The following AKR1C8 variants were observed in gnomAD, a reference collection of about 807,000 sequenced individuals.
AKR1C8 encodes aldo-keto reductase family 1 member C-like protein 1.
chr10:5,173,796 T>G, the AKR1C8 span, among the ~76,000 whole-genome samples: 11 of 151,878 alleles, frequency 7.2e-5, no homozygotes, highest in Admixed American at 2.0e-4. Context: ...AGATTGATAT[T>G]GAAACTATAG....
the AKR1C8 span, among the ~76,000 whole-genome samples, chr10:5,128,041 A>C: frequency 6.6e-6 from 1 of 152,162 alleles, no homozygotes; most frequent in Non-Finnish European, 1.5e-5. Flanking sequence ...AAAAAGCATC[A>C]GGTAACATAA....
chr10:5,159,121 G>A, the AKR1C8 span, among the ~76,000 whole-genome samples: 1 of 152,092 alleles, frequency 6.6e-6, no homozygotes, highest in Non-Finnish European at 1.5e-5. Flanking sequence ...AAGGACCCAG[G>A]ATCTTACTTG....
chr10:5,124,102 C>T, the AKR1C8 span, among the ~76,000 whole-genome samples: 1 of 152,086 alleles, frequency 6.6e-6, no homozygotes, highest in Non-Finnish European at 1.5e-5. Flanking sequence ...CAGCCAATTC[C>T]AGCTCTGGGA....
At chr10:5,152,078 C>G in the AKR1C8 span, among the ~76,000 whole-genome samples, 1 of 152,038 alleles carries the variant, frequency 6.6e-6, no homozygotes, top group Non-Finnish European at 1.5e-5. Context: ...TTTAAACAAA[C>G]AGCATACTAT....
the AKR1C8 span, chr10:5,160,886 C>T: frequency 2.1e-6 from 1 of 471,066 alleles, no homozygotes; most frequent in Non-Finnish European, 4.4e-6. Context: ...AATTCTTTCC[C>T]AGGCTGGAAA....
At chr10:5,181,136 C>A in the AKR1C8 span, among the ~76,000 whole-genome samples, 1 of 152,128 alleles carries the variant, frequency 6.6e-6, no homozygotes, top group Non-Finnish European at 1.5e-5. Flanking sequence ...TTGGCTGCCA[C>A]CCCAAGGTTT....
the AKR1C8 span, among the ~76,000 whole-genome samples, chr10:5,130,781 A>C: frequency 5.9e-5 from 9 of 152,144 alleles, no homozygotes; most frequent in East Asian, 1.7e-3. Flanking sequence ...ATGATACATA[A>C]GACAAACAAA....
At chr10:5,174,722 CA>C in the AKR1C8 span, among the ~76,000 whole-genome samples, 1 of 151,518 alleles carries the variant, frequency 6.6e-6, no homozygotes, top group Non-Finnish European at 1.5e-5. Context: ...AATTTACATA[CA>C]AACTATGTAA....
At chr10:5,119,664 A>G in the AKR1C8 span, among the ~76,000 whole-genome samples, 1 of 152,286 alleles carries the variant, frequency 6.6e-6, no homozygotes, top group South Asian at 2.1e-4. Context: ...AACAGAAACT[A>G]TAGACTCTGC....
chr10:5,168,443 A>C, the AKR1C8 span, among the ~76,000 whole-genome samples: 1 of 151,964 alleles, frequency 6.6e-6, no homozygotes, highest in East Asian at 1.9e-4. Context: ...TACTATCCCT[A>C]CCAGAAATGC....
At chr10:5,131,174 C>G in the AKR1C8 span, among the ~76,000 whole-genome samples, 3 of 151,954 alleles carry the variant, frequency 2.0e-5, no homozygotes, top group Non-Finnish European at 4.4e-5. Context: ...ATACACAAAT[C>G]AACTCAAGAT....
chr10:5,132,872 G>A, the AKR1C8 span: 7 of 496,486 alleles, frequency 1.4e-5, no homozygotes, highest in Non-Finnish European at 2.1e-5. Flanking sequence ...CTTGCATCTT[G>A]GGTTAGTTCT....
At chr10:5,140,569 T>C in the AKR1C8 span, among the ~76,000 whole-genome samples, 1 of 152,020 alleles carries the variant, frequency 6.6e-6, no homozygotes, top group South Asian at 2.1e-4. Context: ...ACACCACATG[T>C]TCTCACTCAT....
chr10:5,151,232 G>A, the AKR1C8 span, among the ~76,000 whole-genome samples: 12 of 152,116 alleles, frequency 7.9e-5, no homozygotes, highest in Non-Finnish European at 1.3e-4. Context: ...TTATCCAGGA[G>A]CAATTTATGG....
the AKR1C8 span, among the ~76,000 whole-genome samples, chr10:5,183,059 C>T: frequency 6.6e-6 from 1 of 152,098 alleles, no homozygotes; most frequent in Admixed American, 6.6e-5. Flanking sequence ...GTGTGTCAAA[C>T]TTGCCATACA....
chr10:5,132,603 T>C, the AKR1C8 span: 1 of 1,568,830 alleles, frequency 6.4e-7, no homozygotes, highest in African/African-American at 1.4e-5. Context: ...GCACAGTACC[T>C]TTGAAGTGTA....
the AKR1C8 span, among the ~76,000 whole-genome samples, chr10:5,180,430 G>C: frequency 6.6e-6 from 1 of 152,224 alleles, no homozygotes; most frequent in Admixed American, 6.5e-5. Context: ...TAGGGGTCAG[G>C]GACCCACTTG....
At chr10:5,116,194 G>A in the AKR1C8 span, among the ~76,000 whole-genome samples, 1 of 152,092 alleles carries the variant, frequency 6.6e-6, no homozygotes, top group Non-Finnish European at 1.5e-5. Flanking sequence ...CATCTTGATA[G>A]CCCGGGTCAA....
the AKR1C8 span, among the ~76,000 whole-genome samples, chr10:5,152,058 T>C: frequency 6.6e-6 from 1 of 152,190 alleles, no homozygotes; most frequent in Non-Finnish European, 1.5e-5. Context: ...TCTATAATTT[T>C]AGTATAGCAT....
Sources: allele counts gnomAD v4.1 joint callset (sites outside exome capture counted in the v4.1 genomes callset), GRCh38; gene constraint gnomAD v4.1.1; transcripts MANE v1.5; gene names NCBI Gene and HGNC (gene_info 2026-07-23, HGNC 2026-07-21).